Variants in ZNF143 observed in about 807,000 individuals in gnomAD.
The protein encoded by ZNF143 is SPH-binding factor.
A neutral mutation model predicts 74.1 loss-of-function variants in ZNF143; 49 were observed. The ratio of observed to expected loss-of-function variants is 0.66; its 90% CI spans 0.53 to 0.84. The LOEUF (loss-of-function observed/expected upper bound fraction) is 0.84, where lower values mean the gene tolerates loss of function less well. Ranked by LOEUF, ZNF143 falls within the 40% of genes least tolerant of loss-of-function variation. ZNF143 has a pLI of 0.00. For synonymous variants in ZNF143, 304 were observed against 282.8 expected (o/e 1.07, Z -0.75); for missense variants, 637 against 793.4 (o/e 0.80, Z 2.37).
At chr11:9,494,370 A>G (rs1282887788) in intron 7 of ZNF143, among the ~76,000 whole-genome samples, 2 of 152,162 alleles carry the variant, frequency 1.3e-5, no homozygotes, top group Non-Finnish European at 2.9e-5. Flanking sequence ...CAATGGTACA[A>G]TCACAGCTCA....
At chr11:9,484,955 G>A (rs552515854) in intron 7 of ZNF143, among the ~76,000 whole-genome samples, 1 of 149,858 alleles carries the variant, frequency 6.7e-6, no homozygotes, top group East Asian at 2.0e-4. Flanking sequence ...CCGCCACCAC[G>A]CCCGGCTAAT....
rs139880101 is a variant in ZNF143 at position 9,506,969 on chromosome 11, T to C, written c.1148-1650T>C. Among the ~76,000 whole-genome samples the C allele has an allele frequency of 1.1e-4, 17 of 152,252 alleles. No individual in the cohort carries two copies. The East Asian group carries it at 3.1e-3, about 28-fold the overall frequency. ...GTTTCTGCTCTAGCCTAAATATCAA[T>C]TGGGCTGATTTTTCCAAGTTGAAAT... On this transcript the variant is annotated intron_variant, in intron 11 of 15. Transcript: ENST00000396602.
chr11:9,469,901 T>G (rs983741246), intron 1 of ZNF143, among the ~76,000 whole-genome samples: 5 of 152,208 alleles, frequency 3.3e-5, no homozygotes, highest in African/African-American at 4.8e-5. Context: ...GAACAGTAGT[T>G]CCCACTTTTG....
chr11:9,478,279 C>T lies in ZNF143; in HGVS notation c.374-111C>T, dbSNP rs190920362. 2.1e-5 allele frequency: 22 copies of T among 1,071,600 alleles called. No individual in the cohort carries two copies. The East Asian group carries it at 5.2e-4, about 25-fold the overall frequency. 66.4% of individuals were successfully genotyped at this position (1,071,600 alleles called of 1,614,324 possible). On this transcript the variant is annotated intron_variant, in intron 5 of 15. Coordinates refer to ENST00000396602, the MANE Select transcript of ZNF143 (RefSeq NM_003442.6). ...AATAACACATATCAAGTGCGTGGTC[C>T]AGTACTCAGAGTAACTACTCAATAA...
chr11:9,519,677 A>C (rs1311294410), intron 14 of ZNF143, among the ~76,000 whole-genome samples: 2 of 152,190 alleles, frequency 1.3e-5, no homozygotes, highest in Non-Finnish European at 2.9e-5. Context: ...ACTATTATGA[A>C]TAAGATGGCA....
At chr11:9,471,621 C>T (rs981409685) in intron 2 of ZNF143, among the ~76,000 whole-genome samples, 6 of 151,458 alleles carry the variant, frequency 4.0e-5, no homozygotes, top group Non-Finnish European at 5.9e-5. Flanking sequence ...GGTCTGCTCT[C>T]GGCTCACTGC....
intron 14 of ZNF143, among the ~76,000 whole-genome samples, chr11:9,521,582 G>T (rs59804358): frequency 0.023 from 3,452 of 148,014 alleles, 124 homozygotes; most frequent in African/African-American, 0.079. Flanking sequence ...TTTTTTTTTT[G>T]TTGTTGTTGT....
chr11:9,513,523 A>G (rs1296699166), intron 13 of ZNF143, among the ~76,000 whole-genome samples: 1 of 152,216 alleles, frequency 6.6e-6, no homozygotes, highest in Non-Finnish European at 1.5e-5. Context: ...CCTGTTCCCT[A>G]TACAGGAAAA....
At chr11:9,498,923 C>CAG (rs1208485679) in intron 10 of ZNF143, among the ~76,000 whole-genome samples, 1 of 152,152 alleles carries the variant, frequency 6.6e-6, no homozygotes, top group Non-Finnish European at 1.5e-5. Flanking sequence ...CATTGAGGAA[C>CAG]AGAGCTGTAG....
Position 9,463,098 on chromosome 11 carries a change from T to C in ZNF143, c.-8+2022T>C, listed in dbSNP as rs559689098. ...TAGCCTTGTCCAGGGTCATTTATGT[T>C]ATAACATGTGTCAATACTTTATTTT... On this transcript the variant is annotated intron_variant, in intron 1 of 15. Transcript: ENST00000396602. 7.9e-5 allele frequency among the ~76,000 whole-genome samples: 12 copies of C among 152,266 alleles called. 1 individual carries two copies. The South Asian group carries it at 2.5e-3, about 32-fold the overall frequency.
chr11:9,475,721 T>C (rs1004288162), intron 5 of ZNF143, among the ~76,000 whole-genome samples: 5 of 152,118 alleles, frequency 3.3e-5, no homozygotes, highest in Non-Finnish European at 7.3e-5. Flanking sequence ...ACCCTGTCTC[T>C]ACTAAAAATA....
chr11:9,509,689 G>T (rs1283119099), intron 12 of ZNF143, among the ~76,000 whole-genome samples: 1 of 152,204 alleles, frequency 6.6e-6, no homozygotes, highest in Non-Finnish European at 1.5e-5. Context: ...GGAAAGAACA[G>T]ATCATCTGCT....
chr11:9,477,927 G>A (rs914725426), intron 5 of ZNF143, among the ~76,000 whole-genome samples: 2 of 152,180 alleles, frequency 1.3e-5, no homozygotes, highest in African/African-American at 2.4e-5. Flanking sequence ...CCAGGTTCAA[G>A]TGAGTCTCCT....
At chr11:9,479,367 T>C in intron 6 of ZNF143, 105 bp from the exon 7 acceptor site, 1 of 811,312 alleles carries the variant, frequency 1.2e-6, no homozygotes, top group Non-Finnish European at 1.8e-6. Flanking sequence ...GTACTTTTTT[T>C]TCTTTTTCTT....
At chr11:9,505,390 C>T (rs569037925) in intron 11 of ZNF143, among the ~76,000 whole-genome samples, 67 of 152,128 alleles carry the variant, frequency 4.4e-4, no homozygotes, top group Non-Finnish European at 9.1e-4. Flanking sequence ...CTGCCTCAGC[C>T]TCCCGAGTAG....
At chr11:9,493,260 T>G (rs964052401) in intron 7 of ZNF143, among the ~76,000 whole-genome samples, 7 of 151,920 alleles carry the variant, frequency 4.6e-5, no homozygotes, top group African/African-American at 1.7e-4. Context: ...TTAGTAGAGA[T>G]GAGGTTTCAC....
At chr11:9,490,066 C>T (rs184698536) in intron 7 of ZNF143, among the ~76,000 whole-genome samples, 3 of 152,010 alleles carry the variant, frequency 2.0e-5, no homozygotes, top group South Asian at 2.1e-4. Flanking sequence ...CACCTGTTGT[C>T]CTAACTACGT....
At chr11:9,483,750 CT>C (rs753979043) in intron 7 of ZNF143, among the ~76,000 whole-genome samples, 6,846 of 124,758 alleles carry the variant, frequency 0.055, 166 homozygotes, top group Non-Finnish European at 0.081. Flanking sequence ...GGCCGGAATT[CT>C]TTTTTTTTTT....
intron 7 of ZNF143, among the ~76,000 whole-genome samples, chr11:9,485,048 C>T (rs932326210): frequency 1.3e-5 from 2 of 150,388 alleles, no homozygotes; most frequent in Non-Finnish European, 2.9e-5. Flanking sequence ...CTGCCTGCCT[C>T]GGCCTTCCAA....
Sources: allele counts gnomAD v4.1 joint callset (sites outside exome capture counted in the v4.1 genomes callset), GRCh38; gene constraint gnomAD v4.1.1; transcripts MANE v1.5; gene names NCBI Gene and HGNC (gene_info 2026-07-23, HGNC 2026-07-21).